Variants in CCDC170 observed in about 807,000 individuals in gnomAD.
The protein encoded by CCDC170 is coiled-coil domain containing 170.
A neutral mutation model predicts 72.6 loss-of-function variants in CCDC170; 69 were observed. That is an observed-to-expected ratio of 0.95 (90% CI 0.78 to 1.16). CCDC170 has a LOEUF of 1.16. CCDC170 is among the 50% of genes most tolerant of loss of function. The probability of loss-of-function intolerance (pLI) is 0.00; values close to 1 mark genes in which losing one functional copy is unlikely to be tolerated. For synonymous variants in CCDC170, 300 were observed against 303.9 expected (o/e 0.99, Z 0.13); for missense variants, 852 against 832.5 (o/e 1.02, Z -0.29).
At chr6:151,574,212 T>C (rs1050505086) in intron 6 of CCDC170, among the ~76,000 whole-genome samples, 3 of 152,140 alleles carry the variant, frequency 2.0e-5, no homozygotes, top group Non-Finnish European at 2.9e-5. Context: ...ATCCTGTCTC[T>C]AAAAAAAGTA....
In CCDC170 at chr6:151,593,202, T is replaced by C; in HGVS notation, c.1389T>C (p.Ala463=). The change falls in exon 8 of 11, where the codon GCT becomes GCC. Residue 463 remains alanine (A), a synonymous_variant. Coordinates refer to ENST00000239374, the MANE Select transcript of CCDC170 (RefSeq NM_025059.4). ...ACATGCGGCTGGACGTGGTTTTAGC[T>C]CGAACAGAGCAGCTGGTTCGTCTTG... is the stretch of plus-strand genomic sequence containing the variant. ...GFDMRLDVVL[A]RTEQLVRLES... is the part of the protein sequence containing the mutation. 6.2e-7 allele frequency: 1 copy of C among 1,614,156 alleles called. No individual in the cohort carries two copies. The highest frequency in any genetic ancestry group is 1.1e-5 in the South Asian group (1 of 91,084).
Position 151,533,506 on chromosome 6 carries a change from A to G in CCDC170, c.58-2812A>G, listed in dbSNP as rs567501572. Among the ~76,000 whole-genome samples, 951 of 151,928 alleles carry G rather than the reference A, an allele frequency of 6.3e-3. 5 individuals are homozygous for G. The highest frequency in any genetic ancestry group is 0.011 in the Non-Finnish European group (730 of 67,952). On this transcript the variant is annotated intron_variant, in intron 1 of 10. Coordinates refer to ENST00000239374, the MANE Select transcript of CCDC170 (RefSeq NM_025059.4). The stretch of plus-strand genomic sequence containing the variant: ...AACATGGAGAAACCCCATCTCTACT[A>G]AAAATACAAAATTAGCAGGGCGTGG...
chr6:151,599,412 G>T (rs1191033638), intron 9 of CCDC170, among the ~76,000 whole-genome samples: 2 of 152,200 alleles, frequency 1.3e-5, no homozygotes, highest in African/African-American at 4.8e-5. Context: ...AACAACAGTT[G>T]TTTGGAGTAG....
chr6:151,614,286 C>G (rs1776921217), intron 9 of CCDC170, among the ~76,000 whole-genome samples: 1 of 152,138 alleles, frequency 6.6e-6, no homozygotes, highest in South Asian at 2.1e-4. Flanking sequence ...CTCCTCTTCC[C>G]CAGCCCCTGG....
chr6:151,526,038 A>G (rs955842217), intron 1 of CCDC170, among the ~76,000 whole-genome samples: 1 of 152,126 alleles, frequency 6.6e-6, no homozygotes, highest in South Asian at 2.1e-4. Context: ...ACAGCAAAGA[A>G]AAGCAATCAT....
At chr6:151,510,670 A>G (rs1782133656) in intron 1 of CCDC170, among the ~76,000 whole-genome samples, 1 of 152,224 alleles carries the variant, frequency 6.6e-6, no homozygotes, top group Non-Finnish European at 1.5e-5. Context: ...GAAAAATCGT[A>G]AATTAGATAG....
At chr6:151,534,367 T>C (rs1482187170) in intron 1 of CCDC170, among the ~76,000 whole-genome samples, 1 of 148,136 alleles carries the variant, frequency 6.8e-6, no homozygotes, top group Non-Finnish European at 1.5e-5. Flanking sequence ...GCTTCTTTTC[T>C]TAAAAAAAAA....
chr6:151,510,911 T>C (rs139505168), intron 1 of CCDC170, among the ~76,000 whole-genome samples: 1 of 152,202 alleles, frequency 6.6e-6, no homozygotes, highest in East Asian at 1.9e-4. Context: ...AATTTTTGTA[T>C]TTTTAGTAGA....
chr6:151,574,451 A>T (rs1359421357), intron 6 of CCDC170, among the ~76,000 whole-genome samples: 2 of 151,970 alleles, frequency 1.3e-5, no homozygotes, highest in African/African-American at 2.4e-5. Flanking sequence ...AGGTTCCATG[A>T]CCCCTTACCT....
chr6:151,604,503 T>C (rs1336823878), intron 9 of CCDC170, among the ~76,000 whole-genome samples: 1 of 152,230 alleles, frequency 6.6e-6, no homozygotes, highest in Non-Finnish European at 1.5e-5. Flanking sequence ...TAGGTTTTAG[T>C]GTTCTATAAC....
At chr6:151,595,517 A>G (rs1166510059) in intron 8 of CCDC170, among the ~76,000 whole-genome samples, 1 of 152,138 alleles carries the variant, frequency 6.6e-6, no homozygotes, top group East Asian at 1.9e-4. Context: ...TCTTACTTTA[A>G]AAATATATCA....
At chr6:151,598,877 T>C (rs1011617988) in intron 9 of CCDC170, among the ~76,000 whole-genome samples, 1 of 152,202 alleles carries the variant, frequency 6.6e-6, no homozygotes, top group Non-Finnish European at 1.5e-5. Context: ...GGCTGGGACA[T>C]TGCACCAGCT....
At chr6:151,545,575 C>T (rs1445942640) in intron 4 of CCDC170, among the ~76,000 whole-genome samples, 1 of 152,128 alleles carries the variant, frequency 6.6e-6, no homozygotes, top group Non-Finnish European at 1.5e-5. Flanking sequence ...ACAAACCTTT[C>T]ATATCCTTGC....
At position 151,573,383 on chromosome 6, in the gene CCDC170, G is replaced by GA; in HGVS notation, c.988dup (p.Ile330AsnfsTer6). On this transcript the variant is annotated frameshift_variant, in exon 6 of 11. Transcript: ENST00000239374. LOFTEE classifies it high-confidence loss of function. ...AAAGCCAGTACTTCTCATTTAGGGA[G>GA]AAAATCGCAGCCCTCCTTAGGGGCA... The GA allele has an allele frequency of 6.2e-7, 1 of 1,614,152 alleles. No homozygotes were observed. The highest frequency in any genetic ancestry group is 8.5e-7 in the Non-Finnish European group (1 of 1,180,008).
At position 151,596,941 on chromosome 6, in the gene CCDC170, C is replaced by T. The variant is rs940432222; in HGVS notation, c.1710+364C>T. Among the ~76,000 whole-genome samples, 7 of 152,052 alleles carry T rather than the reference C, an allele frequency of 4.6e-5. No individual in the cohort carries two copies. In the East Asian group the frequency reaches 1.3e-3, roughly 29 times the overall value. ...TCCTGGGTTCAAGCGATTCTCTTGC[C>T]TCAGCCTCCTGAGTAGCCAGGATTA... On this transcript the variant is annotated intron_variant, in intron 9 of 10. Coordinates refer to ENST00000239374, the MANE Select transcript of CCDC170 (RefSeq NM_025059.4).
chr6:151,538,117 T>G lies in CCDC170; in HGVS notation c.259T>G (p.Tyr87Asp). The change falls in exon 3 of 11, where the codon TAC becomes GAC. Residue 87 changes from tyrosine (Y) to aspartate (D), a missense_variant. By Grantham distance (160) the Tyr-to-Asp change is radical. Coordinates refer to ENST00000239374, the MANE Select transcript of CCDC170 (RefSeq NM_025059.4). ...AGAACTGAAAGCTGAAATGGAGAGC[T>G]ACAAGGAAAACAATGCCAGAAAATC... The part of the protein sequence containing the change: ...CQELKAEMES[Y>D]KENNARKSSL... 1 of 1,613,916 alleles carries G rather than the reference T, an allele frequency of 6.2e-7. No individual in the cohort carries two copies. The highest frequency in any genetic ancestry group is 8.5e-7 in the Non-Finnish European group (1 of 1,179,932).
chr6:151,505,441 T>C (rs1009663751), intron 1 of CCDC170, among the ~76,000 whole-genome samples: 9 of 151,900 alleles, frequency 5.9e-5, no homozygotes, highest in Non-Finnish European at 1.2e-4. Context: ...CCCAGCACTT[T>C]GGGAGGCCGA....
intron 6 of CCDC170, 138 bp downstream of exon 6, chr6:151,573,629 G>A (rs891951868): frequency 1.2e-5 from 11 of 882,672 alleles, no homozygotes; most frequent in Admixed American, 8.6e-5. Context: ...AGACAAAGAG[G>A]TTTAATGGAT....
At chr6:151,615,742 T>C (rs1382488382) in intron 10 of CCDC170, 63 bp downstream of exon 10, 1 of 1,108,206 alleles carries the variant, frequency 9.0e-7, no homozygotes, top group Non-Finnish European at 1.3e-6. Flanking sequence ...AAGAGCTTGA[T>C]ATTAATACTT....
Sources: allele counts gnomAD v4.1 joint callset (sites outside exome capture counted in the v4.1 genomes callset), GRCh38; gene constraint gnomAD v4.1.1; transcripts MANE v1.5; gene names NCBI Gene and HGNC (gene_info 2026-07-23, HGNC 2026-07-21).